SELENOF: variants seen among roughly 807,000 people sequenced by gnomAD.
SELENOF encodes selenoprotein F.
Under a neutral mutation model 20.5 loss-of-function variants are expected in SELENOF, and 16 were observed. That is an observed-to-expected ratio of 0.78 (90% confidence interval 0.53 to 1.19). The LOEUF (loss-of-function observed/expected upper bound fraction) is 1.19. Among genes scored for constraint, SELENOF ranks in the 50% most tolerant of loss-of-function variants. The pLI, the probability that SELENOF is intolerant of heterozygous loss-of-function variation, is 0.00. For synonymous variants in SELENOF, 78 were observed against 74.5 expected, an observed-to-expected ratio of 1.05 and a Z score of -0.24; for missense variants, 215 against 194.2, an observed-to-expected ratio of 1.11 and a Z score of -0.64.
intron 4 of SELENOF, among the ~76,000 whole-genome samples, chr1:86,867,726 A>C (rs1002400397): frequency 6.7e-6 from 1 of 150,276 alleles, no homozygotes; most frequent in Non-Finnish European, 1.5e-5. Context: ...TTTAATTAAT[A>C]TATCAATATT....
intron 4 of SELENOF, among the ~76,000 whole-genome samples, chr1:86,864,172 A>T (rs1447219514): frequency 1.3e-5 from 2 of 152,224 alleles, no homozygotes; most frequent in African/African-American, 2.4e-5. Flanking sequence ...AAATTTGCAG[A>T]CACAGAATCA....
At chr1:86,900,581 A>C (rs573133250) in intron 2 of SELENOF, among the ~76,000 whole-genome samples, 1 of 151,744 alleles carries the variant, frequency 6.6e-6, no homozygotes, top group Non-Finnish European at 1.5e-5. Context: ...GACCGTGGAA[A>C]GAGAGGGAGA....
intron 3 of SELENOF, among the ~76,000 whole-genome samples, chr1:86,877,374 A>C (rs1156369537): frequency 2.0e-5 from 3 of 152,234 alleles, no homozygotes. Flanking sequence ...CTGTAACCTT[A>C]AGCATGTCTA....
chr1:86,899,946 C>CACGGGGCG (rs1302936030), intron 2 of SELENOF, among the ~76,000 whole-genome samples: 3 of 146,060 alleles, frequency 2.1e-5, no homozygotes, highest in Non-Finnish European at 4.5e-5. Flanking sequence ...TCACATCCCA[C>CACGGGGCG]ACGGGGCGGC....
chr1:86,911,653 C>A (rs1229887184), intron 1 of SELENOF, among the ~76,000 whole-genome samples: 1 of 152,024 alleles, frequency 6.6e-6, no homozygotes, highest in Non-Finnish European at 1.5e-5. Flanking sequence ...TAATTCTAGG[C>A]AAAGATAGTA....
intron 2 of SELENOF, among the ~76,000 whole-genome samples, chr1:86,897,773 T>C (rs1659563790): frequency 6.6e-6 from 1 of 152,238 alleles, no homozygotes; most frequent in Non-Finnish European, 1.5e-5. Flanking sequence ...CAGTCAGTAG[T>C]GAGACAAAGA....
chr1:86,871,547 A>T (rs1658769267), intron 3 of SELENOF, among the ~76,000 whole-genome samples: 1 of 152,348 alleles, frequency 6.6e-6, no homozygotes, highest in Middle Eastern at 3.4e-3. Flanking sequence ...AAACTGAAAA[A>T]GTATAATAAA....
chr1:86,886,940 T>TTA (rs1659233806), intron 2 of SELENOF, among the ~76,000 whole-genome samples: 1 of 152,142 alleles, frequency 6.6e-6, no homozygotes, highest in African/African-American at 2.4e-5. Context: ...CAAACACTAA[T>TTA]AATATCCAGT....
At chr1:86,887,276 T>C (rs964858827) in intron 2 of SELENOF, 3 of 1,434,864 alleles carry the variant, frequency 2.1e-6, no homozygotes, top group African/African-American at 1.4e-5. Flanking sequence ...ATACTATATC[T>C]GAGATTAAAT....
At chr1:86,875,644 T>TA (rs951371672) in intron 3 of SELENOF, among the ~76,000 whole-genome samples, 1 of 152,150 alleles carries the variant, frequency 6.6e-6, no homozygotes, top group African/African-American at 2.4e-5. Context: ...TATCAATGAT[T>TA]AAAAAACAAA....
intron 3 of SELENOF, among the ~76,000 whole-genome samples, chr1:86,878,218 C>A (rs1570380984): frequency 6.6e-6 from 1 of 151,966 alleles, no homozygotes; most frequent in South Asian, 2.1e-4. Flanking sequence ...GTAAAACATA[C>A]CAAAATTTAA....
intron 2 of SELENOF, among the ~76,000 whole-genome samples, chr1:86,893,038 C>CT (rs1659428040): frequency 6.6e-6 from 1 of 152,086 alleles, no homozygotes; most frequent in Non-Finnish European, 1.5e-5. Flanking sequence ...GCTCTAGAAT[C>CT]AAATAGACCT....
chr1:86,870,355 T>G (rs1346538801), intron 3 of SELENOF, among the ~76,000 whole-genome samples: 2 of 152,206 alleles, frequency 1.3e-5, no homozygotes, highest in Non-Finnish European at 2.9e-5. Context: ...TCTATTAACT[T>G]TATCCTTTAG....
intron 3 of SELENOF, among the ~76,000 whole-genome samples, chr1:86,878,166 T>C (rs1658972311): frequency 6.6e-6 from 1 of 152,218 alleles, no homozygotes; most frequent in African/African-American, 2.4e-5. Context: ...AGAAATATGA[T>C]CTGAGATTTT....
chr1:86,897,933 G>A (rs532439793), intron 2 of SELENOF, among the ~76,000 whole-genome samples: 2 of 152,304 alleles, frequency 1.3e-5, no homozygotes, highest in East Asian at 3.9e-4. Context: ...GGACAAGGAA[G>A]TTCATAAACA....
At chr1:86,913,785 C>T (rs1006114461) in intron 1 of SELENOF, 1 of 516,326 alleles carries the variant, frequency 1.9e-6, no homozygotes, top group Non-Finnish European at 3.5e-6. Flanking sequence ...TAGCAAGAGC[C>T]GTATAAGAGA....
At chr1:86,907,594 A>G (rs1659862881) in intron 1 of SELENOF, among the ~76,000 whole-genome samples, 1 of 152,244 alleles carries the variant, frequency 6.6e-6, no homozygotes, top group Admixed American at 6.5e-5. Flanking sequence ...TTTTAGATTA[A>G]TTAGCCACAC....
intron 3 of SELENOF, among the ~76,000 whole-genome samples, chr1:86,868,427 T>C (rs920686045): frequency 1.3e-5 from 2 of 152,248 alleles, no homozygotes; most frequent in African/African-American, 4.8e-5. Flanking sequence ...GAGAGAGAAT[T>C]TGTTCCATTG....
intron 3 of SELENOF, among the ~76,000 whole-genome samples, chr1:86,878,172 AT>A (rs1009957663): frequency 4.9e-4 from 74 of 151,948 alleles, no homozygotes; most frequent in African/African-American, 1.8e-3. Context: ...ATGATCTGAG[AT>A]TTTTTTTTAC....
Sources: gnomAD v4.1 joint callset for allele counts (sites outside exome capture counted in the v4.1 genomes callset) on GRCh38, gnomAD v4.1.1 for gene constraint, MANE v1.5 for transcripts, NCBI Gene and HGNC (gene_info 2026-07-23, HGNC 2026-07-21) for gene names.